HOMER2: variants seen among roughly 807,000 people sequenced by gnomAD.
The protein encoded by HOMER2 is homer protein homolog 2.
A neutral mutation model predicts 47.0 loss-of-function variants in HOMER2; 27 were observed. The observed-to-expected ratio is 0.57, with a 90% CI of 0.42 to 0.79. The LOEUF (loss-of-function observed/expected upper bound fraction) is 0.79. HOMER2 is among the 30% of genes least tolerant of loss of function. HOMER2 has a pLI of 0.00. For synonymous variants in HOMER2, 161 were observed against 163.8 expected (o/e 0.98, Z 0.13); for missense variants, 443 against 435.0 (o/e 1.02, Z -0.16).
At chr15:82,963,684 T>G (rs2054649957) in intron 1 of HOMER2, among the ~76,000 whole-genome samples, 1 of 152,208 alleles carries the variant, frequency 6.6e-6, no homozygotes, top group Non-Finnish European at 1.5e-5. Context: ...AAGAATGAAC[T>G]GGAGTGTTCC....
intron 3 of HOMER2, among the ~76,000 whole-genome samples, chr15:82,873,397 G>A (rs2052240549): frequency 1.3e-5 from 2 of 152,330 alleles, no homozygotes; most frequent in South Asian, 2.1e-4. Flanking sequence ...TGAGGCTGCA[G>A]AGAACTCACT....
At chr15:82,907,941 C>T (rs2053336207) in intron 1 of HOMER2, among the ~76,000 whole-genome samples, 1 of 152,104 alleles carries the variant, frequency 6.6e-6, no homozygotes, top group South Asian at 2.1e-4. Context: ...AATACTGATA[C>T]AGGCTATAAC....
At chr15:82,874,957 G>A (rs757313698) in intron 3 of HOMER2, among the ~76,000 whole-genome samples, 12 of 152,124 alleles carry the variant, frequency 7.9e-5, no homozygotes, top group Admixed American at 1.3e-4. Context: ...ACAAGCCAGC[G>A]CTCAGTCTGT....
chr15:82,892,775 C>T lies in HOMER2; in HGVS notation c.72G>A (p.Trp24Ter). 6.2e-7 allele frequency: 1 copy of T among 1,606,468 alleles called. No homozygotes were observed. Among genetic ancestry groups the T allele is most frequent in the Non-Finnish European group, 8.5e-7 (1 of 1,174,814 alleles). ...TGACCGCCTGCTTGCTCGCAGGCAT[C>T]CAGTTCTTCTTGGTGTTGGGGTCAA... The part of the protein sequence containing the change: ...FQIDPNTKKN[W>*]MPASKQAVTV... The change falls in exon 2 of 9, where the codon TGG becomes TGA. Residue 24 changes from tryptophan to a stop codon, truncating the protein, a stop_gained. Coordinates refer to ENST00000450735, the MANE Select transcript of HOMER2 (RefSeq NM_004839.4). LOFTEE classifies it high-confidence loss of function.
chr15:82,889,291 C>G (rs900591786), intron 2 of HOMER2, among the ~76,000 whole-genome samples: 1 of 149,428 alleles, frequency 6.7e-6, no homozygotes, highest in Non-Finnish European at 1.5e-5. Context: ...ACTCCCCCAG[C>G]CCAGGTGCAT....
intron 3 of HOMER2, among the ~76,000 whole-genome samples, chr15:82,865,634 T>C (rs1394121624): frequency 6.6e-6 from 1 of 152,168 alleles, no homozygotes; most frequent in East Asian, 1.9e-4. Flanking sequence ...CCCTATGATA[T>C]GGTTTGGCTG....
At chr15:82,854,046 C>T (rs2051485807) in intron 6 of HOMER2, among the ~76,000 whole-genome samples, 1 of 152,178 alleles carries the variant, frequency 6.6e-6, no homozygotes, top group South Asian at 2.1e-4. Flanking sequence ...CTGAGAGAGA[C>T]AGGGCTGACA....
chr15:82,943,642 C>T (rs2054311227), intron 1 of HOMER2, among the ~76,000 whole-genome samples: 1 of 152,258 alleles, frequency 6.6e-6, no homozygotes, highest in South Asian at 2.1e-4. Context: ...ATTGCCCAGG[C>T]AGTGGGGTCT....
intron 1 of HOMER2, among the ~76,000 whole-genome samples, chr15:82,968,994 A>T (rs1462114753): frequency 6.6e-6 from 1 of 152,234 alleles, no homozygotes; most frequent in East Asian, 1.9e-4. Context: ...CTTATTCTCT[A>T]AGACATAATT....
At chr15:82,895,673 A>G (rs749134390) in intron 1 of HOMER2, among the ~76,000 whole-genome samples, 11 of 152,196 alleles carry the variant, frequency 7.2e-5, no homozygotes, top group Non-Finnish European at 1.6e-4. Flanking sequence ...CACGGGTTAG[A>G]GAAGGCCTTT....
At position 82,931,764 on chromosome 15, in the gene HOMER2, A is replaced by T. The variant is rs1410383186; in HGVS notation, c.5+20767T>A. On this transcript the variant is annotated intron_variant, in intron 1 of 8. Coordinates refer to ENST00000450735, the MANE Select transcript of HOMER2 (RefSeq NM_004839.4). ...GACGCAGGAGAATCGCTTGAACCCA[A>T]AAGGCAGAGGTTGCCATGAGCCGAG... Among the ~76,000 whole-genome samples, 39 of 152,098 alleles carry T rather than the reference A, an allele frequency of 2.6e-4. 2 individuals are homozygous for T. Among genetic ancestry groups the T allele is most frequent in the Middle Eastern group, 3.2e-3 (1 of 316 alleles).
At chr15:82,969,805 C>T (rs1309678731) in intron 1 of HOMER2, among the ~76,000 whole-genome samples, 2 of 152,036 alleles carry the variant, frequency 1.3e-5, no homozygotes, top group Non-Finnish European at 2.9e-5. Context: ...AAAGTTAACA[C>T]TTTAGAAATT....
exon 2 of HOMER2, chr15:82,841,517 T>G (rs1267064113): frequency 1.6e-5 from 1 of 62,056 alleles, no homozygotes; most frequent in African/African-American, 9.6e-5. Flanking sequence ...GAAACACTCT[T>G]CTAAGTAAAA....
intron 1 of HOMER2, among the ~76,000 whole-genome samples, chr15:82,920,143 A>G (rs12148275): frequency 0.59 from 89,858 of 152,054 alleles, 28,124 homozygotes; most frequent in African/African-American, 0.8. Flanking sequence ...TCTTTTCACC[A>G]GACTCCCAGG....
chr15:82,925,952 T>C (rs574889874), intron 1 of HOMER2: 3 of 152,278 alleles, frequency 2.0e-5, no homozygotes, highest in Admixed American at 6.5e-5. Context: ...ACACTAATCT[T>C]GTCTTGATTC....
intron 1 of HOMER2, among the ~76,000 whole-genome samples, chr15:82,925,291 A>T (rs1278780403): frequency 5.3e-5 from 8 of 152,190 alleles, no homozygotes; most frequent in Non-Finnish European, 1.2e-4. Context: ...TCAACCAGCC[A>T]TGGGGTCAGT....
chr15:82,930,217 T>C (rs1461618954), intron 1 of HOMER2, among the ~76,000 whole-genome samples: 3 of 152,298 alleles, frequency 2.0e-5, no homozygotes, highest in African/African-American at 7.2e-5. Flanking sequence ...TGTGTGACCT[T>C]AACCAAGTCA....
At chr15:82,920,447 G>A (rs1333899363) in intron 1 of HOMER2, among the ~76,000 whole-genome samples, 2 of 152,108 alleles carry the variant, frequency 1.3e-5, no homozygotes, top group Non-Finnish European at 2.9e-5. Flanking sequence ...CCAAGGTGTC[G>A]CCAGGGCCAT....
chr15:82,866,760 C>T (rs1409776522), intron 3 of HOMER2, among the ~76,000 whole-genome samples: 2 of 152,284 alleles, frequency 1.3e-5, no homozygotes, highest in Non-Finnish European at 2.9e-5. Flanking sequence ...TTTCTCTCAT[C>T]TCCTGCCATG....
Sources: gnomAD v4.1 joint callset for allele counts (sites outside exome capture counted in the v4.1 genomes callset) on GRCh38, gnomAD v4.1.1 for gene constraint, MANE v1.5 for transcripts, NCBI Gene and HGNC (gene_info 2026-07-23, HGNC 2026-07-21) for gene names.